The following DDX54 variants were observed in gnomAD, a reference collection of about 807,000 sequenced individuals.
The protein encoded by DDX54 is DEAD-box helicase 54.
A neutral mutation model predicts 105.5 loss-of-function variants in DDX54; 67 were observed. The observed-to-expected ratio is 0.64, with a 90% confidence interval of 0.52 to 0.78. The LOEUF is 0.78. Ranked by LOEUF, DDX54 falls within the 30% of genes least tolerant of loss-of-function variation. The pLI is 0.00. For missense variants in DDX54, 1,206 were observed against 1,230.5 expected (o/e 0.98, Z 0.30); for synonymous variants, 514 against 509.9 (o/e 1.01, Z -0.11).
At chr12:113,168,493 T>G (rs972241668) in intron 12 of DDX54, among the ~76,000 whole-genome samples, 1 of 152,242 alleles carries the variant, frequency 6.6e-6, no homozygotes, top group African/African-American at 2.4e-5. Context: ...CTAGCACAGA[T>G]GGACAAATGA....
chr12:113,157,585 G>C lies in DDX54; in HGVS notation c.*1292C>G, dbSNP rs1203019387. 6.4e-7 allele frequency: 1 copy of C among 1,551,120 alleles called. No individual in the cohort carries two copies. The highest frequency in any genetic ancestry group is 8.7e-7 in the Non-Finnish European group (1 of 1,146,686). On this transcript the variant is annotated 3_prime_UTR_variant, in exon 20 of 20. Coordinates refer to ENST00000306014, the MANE Select transcript of DDX54 (RefSeq NM_024072.4). ...GACTCTGGGGCTGGGATGTGACTTC[G>C]TGCTGGGCCCCCCCAGGTGAAGCTG... is the stretch of plus-strand genomic sequence containing the variant.
chr12:113,185,200 T>C, intron 1 of DDX54, 78 bp downstream of exon 1: 1 of 1,416,212 alleles, frequency 7.1e-7, no homozygotes, highest in Non-Finnish European at 9.2e-7. Context: ...AATCCCCAGC[T>C]GGGGAAACTG....
chr12:113,160,935 G>A (rs149658864), intron 19 of DDX54, among the ~76,000 whole-genome samples: 1,534 of 152,290 alleles, frequency 0.01, 17 homozygotes, highest in Middle Eastern at 0.068. Context: ...GCTTAATTAG[G>A]TGAACAGGGC....
At chr12:113,181,880 G>A (rs745585508) in intron 1 of DDX54, among the ~76,000 whole-genome samples, 3 of 152,000 alleles carry the variant, frequency 2.0e-5, no homozygotes, top group African/African-American at 4.8e-5. Flanking sequence ...ATGGCCAGGC[G>A]TGGTGGCTCA....
rs200189458 is a variant in DDX54 at position 113,162,921 on chromosome 12, C to A, written c.2195+11G>T. On this transcript the variant is annotated intron_variant, in intron 17 of 19. Transcript: ENST00000306014. ...CCCGAGCATGGAGGGGCGGCTCACT[C>A]GATCACTCACCACTTGAGCTGCTGC... is the stretch of plus-strand genomic sequence containing the variant. 6.3e-7 allele frequency: 1 copy of A among 1,578,780 alleles called. No homozygotes were observed. Among genetic ancestry groups the A allele is most frequent in the Non-Finnish European group, 8.6e-7 (1 of 1,167,686 alleles).
chr12:113,159,364 C>T (rs141472204), intron 19 of DDX54: 61 of 494,684 alleles, frequency 1.2e-4, no homozygotes, highest in African/African-American at 1.1e-3. Context: ...GTTAACGGCT[C>T]TGTGCCTCAG....
At position 113,176,852 on chromosome 12, in the gene DDX54, T is replaced by A. The variant is rs1333117977; in HGVS notation, c.740A>T (p.Asp247Val). 6.2e-7 allele frequency: 1 copy of A among 1,614,156 alleles called. No individual in the cohort carries two copies. The highest frequency in any genetic ancestry group is 1.1e-5 in the South Asian group (1 of 91,078). Residue 247 changes from aspartate to valine, a missense_variant, in exon 7 of 20, where the codon GAT (aspartate) becomes GTT (valine). By Grantham distance (152) the Asp-to-Val change is radical (BLOSUM62 -3). Coordinates refer to ENST00000306014, the MANE Select transcript of DDX54 (RefSeq NM_024072.4). ...CCTGCAGCCTTACCGGTCAGCTTCA[T>A]CGAACACCACGTATTCCACACTCTG... ...KLQSVEYVVF[D>V]EADRLFEMGF...
chr12:113,181,828 T>G (rs1008257956), intron 1 of DDX54, among the ~76,000 whole-genome samples: 4 of 152,076 alleles, frequency 2.6e-5, no homozygotes, highest in African/African-American at 7.2e-5. Context: ...GGGAACCTTC[T>G]TGGACTACAG....
chr12:113,170,452 G>GC (rs1195281255), intron 11 of DDX54, among the ~76,000 whole-genome samples: 3 of 152,166 alleles, frequency 2.0e-5, no homozygotes, highest in African/African-American at 7.2e-5. Context: ...AACAGCCTGG[G>GC]CAAAATAGCA....
chr12:113,185,468 GA>G lies in DDX54; in HGVS notation c.-18del. 1 of 1,491,456 alleles carries G rather than the reference GA, an allele frequency of 6.7e-7. No homozygotes were observed. The highest frequency in any genetic ancestry group is 2.2e-5 in the Admixed American group (1 of 45,608). The allele number at this position is 1,491,456 out of a possible 1,614,324, so 92.4% of individuals were successfully genotyped here. On this transcript the variant is annotated 5_prime_UTR_variant, in exon 1 of 20. Transcript: ENST00000306014. The stretch of plus-strand genomic sequence containing the variant: ...GGCCGCCATTCGGGCCGCGCGCTGG[GA>G]ACGCAGAAGGGGGCGTGGCCTGAGG...
At position 113,179,265 on chromosome 12, in the gene DDX54, C is replaced by T; in HGVS notation, c.442G>A (p.Ala148Thr). The change falls in exon 4 of 20, where the codon GCC becomes ACC. Residue 148 changes from alanine to threonine, a missense_variant. Ala to Thr is a moderately conservative substitution (Grantham distance 58). Coordinates refer to ENST00000306014, the MANE Select transcript of DDX54 (RefSeq NM_024072.4). ...TCGAACATTGGGAGGAGGAAGCAGGCTGTCTTGCCACTGCCCGTCCGGGCC... is the reference window on the plus strand; with the variant it reads ...TCGAACATTGGGAGGAGGAAGCAGGTTGTCTTGCCACTGCCCGTCCGGGCC... The part of the protein sequence containing the change: ...AMARTGSGKT[A>T]CFLLPMFERL... 1 of 1,614,106 alleles carries T rather than the reference C, an allele frequency of 6.2e-7. No individual in the cohort carries two copies. Among genetic ancestry groups the T allele is most frequent in the Non-Finnish European group, 8.5e-7 (1 of 1,180,018 alleles).
rs915433884 is a variant in DDX54, at chr12:113,159,228, C to T, written c.2414-119G>A. 9.6e-6 allele frequency: 11 copies of T among 1,146,836 alleles called. No homozygotes were observed. The African/African-American group carries it at 1.7e-4, about 18-fold the overall frequency. The allele number at this position is 1,146,836 out of a possible 1,614,324, so 71.0% of individuals were successfully genotyped here. ...TCCTGTTCTGTGCTTATTGCTGTGG[C>T]CCAGTGTCTGTACACAGTAGGTGGC... On this transcript the variant is annotated intron_variant, in intron 19 of 19. Transcript: ENST00000306014.
At chr12:113,172,116 T>C (rs1156552645) in intron 11 of DDX54, among the ~76,000 whole-genome samples, 1 of 151,836 alleles carries the variant, frequency 6.6e-6, no homozygotes, top group Non-Finnish European at 1.5e-5. Context: ...GCTGAATAAT[T>C]GGGTTGTTTT....
In DDX54 at chr12:113,179,857, G is replaced by A. The variant is rs7309979; in HGVS notation, c.375+78C>T. The A allele has an allele frequency of 3.3e-3, 4,982 of 1,506,068 alleles. 137 individuals are homozygous for A. The African/African-American group carries it at 0.056, about 17-fold the overall frequency. 93.3% of individuals were successfully genotyped at this position (1,506,068 alleles called of 1,614,324 possible). A position where few individuals can be genotyped will look rare whatever the true frequency, so the allele number is the denominator to read the frequency against. ...AGGAGATGTGACAGGTGGGACAAGG[G>A]GTGGCTGTCAAGGGGCCAGAGAGGA... On this transcript the variant is annotated intron_variant, in intron 3 of 19. Transcript: ENST00000306014.
Position 113,174,528 on chromosome 12 carries a change from C to G in DDX54, c.1068+112G>C, listed in dbSNP as rs556427352. 572 of 1,437,208 alleles carry G rather than the reference C, an allele frequency of 4.0e-4. 1 individual carries two copies. Among genetic ancestry groups the G allele is most frequent in the Middle Eastern group, 1.1e-3 (5 of 4,706 alleles). 89.0% of individuals were successfully genotyped at this position (1,437,208 alleles called of 1,614,324 possible). On this transcript the variant is annotated intron_variant, in intron 10 of 19. Transcript: ENST00000306014. ...AAAATAAAAATGACCATCTTGAGCC[C>G]AGGCCCAGGCTCCTGGTCCGCTCTC...
chr12:113,173,430 T>C (rs1353332644), intron 10 of DDX54, among the ~76,000 whole-genome samples: 1 of 152,204 alleles, frequency 6.6e-6, no homozygotes, highest in African/African-American at 2.4e-5. Context: ...AGAGGGAGTG[T>C]TGTTAACTGT....
At chr12:113,174,979 TG>T (rs1267348923) in intron 8 of DDX54, 43 bp from the exon 9 acceptor site, 2 of 1,610,968 alleles carry the variant, frequency 1.2e-6, no homozygotes, top group Non-Finnish European at 8.5e-7. Flanking sequence ...GCAGAGGGAC[TG>T]GCCCCCAGGC....
intron 12 of DDX54, among the ~76,000 whole-genome samples, chr12:113,168,813 C>T (rs1952303974): frequency 6.6e-6 from 1 of 152,126 alleles, no homozygotes; most frequent in Admixed American, 6.5e-5. Context: ...GCCTGCAGTC[C>T]CAGCTACTCG....
chr12:113,179,036 G>A lies in DDX54; in HGVS notation c.565-10C>T. On this transcript the variant is annotated splice_polypyrimidine_tract_variant and intron_variant, in intron 4 of 19. Transcript: ENST00000306014. ...CAGTGAACTTGCCTAGCTGAGAAGA[G>A]AAAGTGATTGAGAGAGGGCAGGGGT... is the stretch of plus-strand genomic sequence containing the variant. 1.2e-6 allele frequency: 2 copies of A among 1,614,084 alleles called. No individual in the cohort carries two copies.
Sources: allele counts gnomAD v4.1 joint callset (sites outside exome capture counted in the v4.1 genomes callset), GRCh38; gene constraint gnomAD v4.1.1; transcripts MANE v1.5; gene names NCBI Gene and HGNC (gene_info 2026-07-23, HGNC 2026-07-21).